Variants in PHKB observed in about 807,000 individuals in gnomAD.
The protein encoded by PHKB is phosphorylase b kinase regulatory subunit beta.
A neutral mutation model predicts 152.1 loss-of-function variants in PHKB; 122 were observed. The ratio of observed to expected loss-of-function variants is 0.80; its 90% CI spans 0.69 to 0.93. The LOEUF (loss-of-function observed/expected upper bound fraction) is 0.93, where lower values mean the gene tolerates loss of function less well. Ranked by LOEUF, PHKB falls within the 40% of genes least tolerant of loss-of-function variation. The probability of loss-of-function intolerance (pLI) is 0.00; values close to 1 mark genes in which losing one functional copy is unlikely to be tolerated. For synonymous variants in PHKB, 436 were observed against 464.9 expected, an observed-to-expected ratio of 0.94 and a Z score of 0.80; for missense variants, 1,304 against 1,328.4, an observed-to-expected ratio of 0.98 and a Z score of 0.29.
chr16:47,496,895 A>G (rs550969062), intron 1 of PHKB, among the ~76,000 whole-genome samples: 1 of 152,332 alleles, frequency 6.6e-6, no homozygotes, highest in Non-Finnish European at 1.5e-5. Context: ...TAGGAATTTC[A>G]GCATGAAACC....
In PHKB at chr16:47,461,339, G is replaced by A; in HGVS notation, c.-12G>A. ...CCCCGGGGGCGGTGGCCAAGGCGGC[G>A]ACCGGAGCGCGATGGCGGGGGCGGC... On this transcript the variant is annotated 5_prime_UTR_variant, in exon 1 of 31. Transcript: ENST00000323584. The A allele has an allele frequency of 1.2e-6, 2 of 1,603,690 alleles. No homozygotes were observed. Among genetic ancestry groups the A allele is most frequent in the Non-Finnish European group, 8.5e-7 (1 of 1,175,130 alleles).
chr16:47,482,319 C>A (rs1192534803), intron 1 of PHKB, among the ~76,000 whole-genome samples: 1 of 152,194 alleles, frequency 6.6e-6, no homozygotes, highest in African/African-American at 2.4e-5. Context: ...AACTAGCATT[C>A]ATTACCTACA....
intron 13 of PHKB, among the ~76,000 whole-genome samples, chr16:47,603,485 G>A (rs1390375972): frequency 2.0e-5 from 3 of 150,418 alleles, no homozygotes; most frequent in African/African-American, 7.3e-5. Context: ...TTAGCTTTAT[G>A]TATAAATAAC....
At position 47,515,384 on chromosome 16, in the gene PHKB, C is replaced by G. The variant is rs1026201765; in HGVS notation, c.514-137C>G. On this transcript the variant is annotated intron_variant, in intron 5 of 30. Transcript: ENST00000323584. ...TTATTATGAACTAAATTCACAACAC[C>G]TTTATTCACAGTAGGAAAGGAAATA... The G allele has an allele frequency of 7.5e-6, 5 of 662,936 alleles. No individual in the cohort carries two copies. The African/African-American group carries it at 9.0e-5, about 12-fold the overall frequency. 41.1% of individuals were successfully genotyped at this position (662,936 alleles called of 1,614,324 possible).
At chr16:47,668,580 G>GT (rs1157073284) in intron 25 of PHKB, among the ~76,000 whole-genome samples, 1 of 152,098 alleles carries the variant, frequency 6.6e-6, no homozygotes, top group Non-Finnish European at 1.5e-5. Flanking sequence ...TCTGCCCAGA[G>GT]TTTTTTTGGC....
At chr16:47,615,482 G>C (rs530493603) in intron 14 of PHKB, among the ~76,000 whole-genome samples, 1 of 152,212 alleles carries the variant, frequency 6.6e-6, no homozygotes, top group African/African-American at 2.4e-5. Context: ...TTGAAGAGCT[G>C]AGATTAGAGC....
chr16:47,660,691 C>A lies in PHKB; in HGVS notation c.2068C>A (p.Pro690Thr), dbSNP rs1012724142. ...PEFKSFEELE[P>T]PKHSKVKRQS... ...ATTTAAGAGTTTTGAGGAACTAGAA[C>A]CTCCCAAACATTCAAAAGTCAAACG... The change falls in exon 22 of 31, where the codon CCT becomes ACT. Residue 690 changes from proline (P) to threonine (T), a missense_variant. By Grantham distance (38) the Pro-to-Thr change is conservative. Transcript: ENST00000323584. The A allele has an allele frequency of 1.9e-6, 3 of 1,613,880 alleles. No individual in the cohort carries two copies. The highest frequency in any genetic ancestry group is 2.5e-6 in the Non-Finnish European group (3 of 1,179,968).
chr16:47,562,916 G>A (rs1204710291), intron 7 of PHKB, among the ~76,000 whole-genome samples: 1 of 152,112 alleles, frequency 6.6e-6, no homozygotes, highest in Admixed American at 6.6e-5. Context: ...ATCCTTTGTT[G>A]TCAACTCAAT....
At chr16:47,494,042 G>A (rs917625351) in intron 1 of PHKB, among the ~76,000 whole-genome samples, 2 of 152,196 alleles carry the variant, frequency 1.3e-5, no homozygotes, top group East Asian at 3.8e-4. Context: ...AAGCCAGGAG[G>A]ATTCAGATCC....
intron 25 of PHKB, chr16:47,665,872 A>G (rs1378179368): frequency 5.7e-6 from 6 of 1,049,310 alleles, no homozygotes; most frequent in South Asian, 1.3e-5. Context: ...AGACTACCCA[A>G]TCAGGGCCCC....
At position 47,539,555 on chromosome 16, in the gene PHKB, G is replaced by C. The variant is rs540454825; in HGVS notation, c.595-7878G>C. Reference sequence around the variant, plus strand: ...ATTGGATACATTCCATTGGAGCATTGAGAAGATTTAAATTTTATTTCTATA... The same window carrying C: ...ATTGGATACATTCCATTGGAGCATTCAGAAGATTTAAATTTTATTTCTATA... On this transcript the variant is annotated intron_variant, in intron 6 of 30. Coordinates refer to ENST00000323584, the MANE Select transcript of PHKB (RefSeq NM_000293.3). Among the ~76,000 whole-genome samples the C allele has an allele frequency of 8.2e-4, 125 of 152,084 alleles. 1 individual carries two copies. The highest frequency in any genetic ancestry group is 2.9e-3 in the African/African-American group (119 of 41,494).
chr16:47,577,494 A>G (rs1971769767), intron 7 of PHKB, among the ~76,000 whole-genome samples: 1 of 152,042 alleles, frequency 6.6e-6, no homozygotes, highest in Non-Finnish European at 1.5e-5. Context: ...TCTTTTTAAA[A>G]AATTACCTTT....
intron 5 of PHKB, among the ~76,000 whole-genome samples, chr16:47,512,611 TATATA>T (rs1244706966): frequency 2.0e-5 from 3 of 152,204 alleles, no homozygotes; most frequent in South Asian, 2.1e-4. Flanking sequence ...AATTTTGTCT[TATATA>T]ATATATTAAA....
intron 27 of PHKB, among the ~76,000 whole-genome samples, chr16:47,692,532 C>A (rs529934371): frequency 2.0e-5 from 3 of 152,146 alleles, no homozygotes; most frequent in South Asian, 4.2e-4. Flanking sequence ...GGGAGGATCG[C>A]TTGAGCCCAG....
intron 3 of PHKB, 59 bp downstream of exon 3, chr16:47,499,953 C>T: frequency 6.3e-7 from 1 of 1,593,746 alleles, no homozygotes; most frequent in Non-Finnish European, 8.6e-7. Flanking sequence ...TTTTGTAGGA[C>T]CAAGACTAAT....
rs758115079 is a variant in PHKB, at chr16:47,650,524, T to C, written c.1798-20T>C. On this transcript the variant is annotated intron_variant, in intron 18 of 30. Transcript: ENST00000323584. ...TCTTAGATACTGTGCCATTACATCC[T>C]ACCTCATTCTGTTTGACAGAATGCG... 9.0e-5 allele frequency: 129 copies of C among 1,431,504 alleles called. No individual in the cohort carries two copies. Among genetic ancestry groups the C allele is most frequent in the Non-Finnish European group, 1.2e-4 (117 of 1,014,068 alleles). The allele number at this position is 1,431,504 out of a possible 1,614,324, so 88.7% of individuals were successfully genotyped here. A position where few individuals can be genotyped will look rare whatever the true frequency, so the allele number is the denominator to read the frequency against.
chr16:47,648,446 G>A, intron 16 of PHKB, 87 bp from the exon 17 acceptor site: 4 of 959,546 alleles, frequency 4.2e-6, no homozygotes, highest in Non-Finnish European at 6.8e-6. Flanking sequence ...TCTCTGGAAA[G>A]ATCAAAAATT....
At position 47,538,615 on chromosome 16, in the gene PHKB, T is replaced by C. The variant is rs187952668; in HGVS notation, c.595-8818T>C. On this transcript the variant is annotated intron_variant, in intron 6 of 30. Transcript: ENST00000323584. ...GGAGGAGAATGTAAACATCATGGAT[T>C]CAGGTGCCCCAGCCATTCGTCCTTC... Among the ~76,000 whole-genome samples, 9 of 152,362 alleles carry C rather than the reference T, an allele frequency of 5.9e-5. No homozygotes were observed. In the East Asian group the frequency reaches 1.5e-3, roughly 26 times the overall value.
At chr16:47,555,692 G>A (rs1274144342) in intron 7 of PHKB, among the ~76,000 whole-genome samples, 3 of 152,090 alleles carry the variant, frequency 2.0e-5, no homozygotes, top group Non-Finnish European at 4.4e-5. Flanking sequence ...AATATATATT[G>A]CCAACAATAG....
Sources: gnomAD v4.1 joint callset for allele counts (sites outside exome capture counted in the v4.1 genomes callset) on GRCh38, gnomAD v4.1.1 for gene constraint, MANE v1.5 for transcripts, NCBI Gene and HGNC (gene_info 2026-07-23, HGNC 2026-07-21) for gene names.